ISCA1: variants seen among roughly 807,000 people sequenced by gnomAD.
The protein encoded by ISCA1 is iron-sulfur cluster assembly 1 homolog, mitochondrial.
A neutral mutation model predicts 14.7 loss-of-function variants in ISCA1; 9 were observed. The ratio of observed to expected loss-of-function variants is 0.61; its 90% confidence interval spans 0.37 to 1.07. The LOEUF (loss-of-function observed/expected upper bound fraction) is 1.07, where lower values mean the gene tolerates loss of function less well. Ranked by LOEUF, ISCA1 falls within the 50% of genes least tolerant of loss-of-function variation. The pLI, the probability that ISCA1 is intolerant of heterozygous loss-of-function variation, is 0.01. For synonymous variants in ISCA1, 38 were observed against 54.3 expected (o/e 0.70, Z 1.32); for missense variants, 102 against 150.1 (o/e 0.68, Z 1.67).
At position 86,266,037 on chromosome 9, in the gene ISCA1, G is replaced by A. The variant is rs751451014; in HGVS notation, c.*6C>T. ...TGGAACCTACGGCCAGAAGAGTCCT[G>A]AGATTTCAAATATTAAAGCTTTCTC... On this transcript the variant is annotated 3_prime_UTR_variant, in exon 4 of 4. Coordinates refer to ENST00000375991, the MANE Select transcript of ISCA1 (RefSeq NM_030940.4). The A allele has an allele frequency of 6.7e-5, 108 of 1,611,790 alleles. No individual in the cohort carries two copies. Among genetic ancestry groups the A allele is most frequent in the Non-Finnish European group, 9.0e-5 (106 of 1,179,816 alleles).
intron 3 of ISCA1, among the ~76,000 whole-genome samples, chr9:86,268,379 A>G (rs1385178585): frequency 6.6e-6 from 1 of 151,800 alleles, no homozygotes; most frequent in Admixed American, 6.6e-5. Flanking sequence ...TTATAGAATA[A>G]GAACGTAAAA....
At chr9:86,268,759 G>A (rs926407492) in intron 3 of ISCA1, among the ~76,000 whole-genome samples, 1 of 151,886 alleles carries the variant, frequency 6.6e-6, no homozygotes. Flanking sequence ...CTTAAGGGCA[G>A]TGGCTATTCA....
At chr9:86,282,230 G>A (rs1825529104) in intron 1 of ISCA1, 148 bp downstream of exon 1, 8 of 803,514 alleles carry the variant, frequency 1.0e-5, no homozygotes, top group South Asian at 2.0e-5. Context: ...GGCGAAGGAG[G>A]CGGCGAGGCT....
intron 1 of ISCA1, chr9:86,282,104 C>T: frequency 2.1e-6 from 1 of 471,276 alleles, no homozygotes; most frequent in South Asian, 3.1e-5. Context: ...CGCCCACCCC[C>T]GGGATCCCCT....
rs1379956018 is a variant in ISCA1 at position 86,282,372 on chromosome 9, A to T, written c.81+6T>A. 2.6e-6 allele frequency: 4 copies of T among 1,542,274 alleles called. No homozygotes were observed. In the South Asian group the frequency reaches 3.6e-5, roughly 14 times the overall value. On this transcript the variant is annotated splice_donor_region_variant and intron_variant, in intron 1 of 3. Coordinates refer to ENST00000375991, the MANE Select transcript of ISCA1 (RefSeq NM_030940.4). ...ACGGGCCCCGCCGCGCGCCGCGAGC[A>T]CTCACCAGGGTGAGGGCTGCCCGGG...
intron 3 of ISCA1, 29 bp downstream of exon 3, chr9:86,271,978 T>G (rs1018393968): frequency 7.7e-7 from 1 of 1,303,568 alleles, no homozygotes; most frequent in Non-Finnish European, 1.1e-6. Context: ...CAAAACAATG[T>G]GCCCAAAAAA....
chr9:86,273,428 T>C (rs964399981), intron 2 of ISCA1, among the ~76,000 whole-genome samples: 6 of 152,158 alleles, frequency 3.9e-5, no homozygotes, highest in African/African-American at 1.4e-4. Context: ...TGCTGAATGG[T>C]GTTTGCGGCA....
At chr9:86,270,984 C>T (rs1296134830) in intron 3 of ISCA1, among the ~76,000 whole-genome samples, 1 of 147,114 alleles carries the variant, frequency 6.8e-6, no homozygotes, top group African/African-American at 2.5e-5. Context: ...GGAGATATAC[C>T]TAATGCTAAA....
At chr9:86,279,126 T>C (rs1219977142) in intron 1 of ISCA1, among the ~76,000 whole-genome samples, 2 of 152,226 alleles carry the variant, frequency 1.3e-5, no homozygotes, top group Non-Finnish European at 2.9e-5. Context: ...TAACACACAG[T>C]TCCTTACTGA....
chr9:86,265,344 T>C lies in ISCA1; in HGVS notation c.*699A>G, dbSNP rs1292661883. ...GGTTTTGCTTCCTCACATAGGGAAT[T>C]GATGGAGGTGGGCTAGATGGCTTTA... On this transcript the variant is annotated 3_prime_UTR_variant, in exon 4 of 4. Transcript: ENST00000375991. 6.6e-6 allele frequency: 1 copy of C among 152,096 alleles called. No individual in the cohort carries two copies. The highest frequency in any genetic ancestry group is 2.4e-5 in the African/African-American group (1 of 41,396). 9.4% of individuals were successfully genotyped at this position (152,096 alleles called of 1,614,324 possible).
At position 86,265,876 on chromosome 9, in the gene ISCA1, C is replaced by T. The variant is rs113577892; in HGVS notation, c.*167G>A. 8.3e-6 allele frequency: 9 copies of T among 1,088,752 alleles called. No homozygotes were observed. Among genetic ancestry groups the T allele is most frequent in the African/African-American group, 4.6e-5 (3 of 64,756 alleles). The allele number at this position is 1,088,752 out of a possible 1,614,324, so 67.4% of individuals were successfully genotyped here. ...AGTGATGGCTTCTCATTTTCTGTCC[C>T]CTATAGAGAATATAAATATCATTTC... On this transcript the variant is annotated 3_prime_UTR_variant, in exon 4 of 4. Coordinates refer to ENST00000375991, the MANE Select transcript of ISCA1 (RefSeq NM_030940.4).
At position 86,272,118 on chromosome 9, in the gene ISCA1, AAAG is replaced by A. The variant is rs1482233356; in HGVS notation, c.136-9_136-7del. 2.6e-6 allele frequency: 4 copies of A among 1,517,320 alleles called. No individual in the cohort carries two copies. The highest frequency in any genetic ancestry group is 1.4e-5 in the African/African-American group (1 of 72,880). The allele number at this position is 1,517,320 out of a possible 1,614,324, so 94.0% of individuals were successfully genotyped here. A position where few individuals can be genotyped will look rare whatever the true frequency, so the allele number is the denominator to read the frequency against. Reference sequence around the variant, plus strand: ...ACACCAACTTTTACACCTACCTGAAAAAGAAGTGAAAATATAAACTTGGTTTTA... The same window carrying A: ...ACACCAACTTTTACACCTACCTGAAAAAGTGAAAATATAAACTTGGTTTTA... On this transcript the variant is annotated splice_region_variant and splice_polypyrimidine_tract_variant and intron_variant, in intron 2 of 3. Coordinates refer to ENST00000375991, the MANE Select transcript of ISCA1 (RefSeq NM_030940.4).
Position 86,265,860 on chromosome 9 carries a change from T to G in ISCA1, c.*183A>C. 3 of 956,208 alleles carry G rather than the reference T, an allele frequency of 3.1e-6. No homozygotes were observed. The highest frequency in any genetic ancestry group is 1.4e-5 in the South Asian group (1 of 69,816). The allele number at this position is 956,208 out of a possible 1,614,324, so 59.2% of individuals were successfully genotyped here. ...TAAATGATCCAAAAAGAGTGATGGC[T>G]TCTCATTTTCTGTCCCCTATAGAGA... is the stretch of plus-strand genomic sequence containing the variant. On this transcript the variant is annotated 3_prime_UTR_variant, in exon 4 of 4. Transcript: ENST00000375991.
At chr9:86,272,984 G>A (rs1404295573) in intron 2 of ISCA1, among the ~76,000 whole-genome samples, 1 of 152,188 alleles carries the variant, frequency 6.6e-6, no homozygotes, top group East Asian at 1.9e-4. Context: ...CAGATACGGA[G>A]AGGTGACTGT....
At chr9:86,270,285 C>T (rs1825352458) in intron 3 of ISCA1, among the ~76,000 whole-genome samples, 1 of 149,912 alleles carries the variant, frequency 6.7e-6, no homozygotes, top group Admixed American at 6.6e-5. Flanking sequence ...GGGCAAAGGA[C>T]ATGAACAGAC....
chr9:86,281,487 A>C (rs1288537982), intron 1 of ISCA1, among the ~76,000 whole-genome samples: 1 of 152,206 alleles, frequency 6.6e-6, no homozygotes, highest in African/African-American at 2.4e-5. Flanking sequence ...ACGTGATCAT[A>C]AATTTTTCTT....
At chr9:86,280,179 G>A (rs776437357) in intron 1 of ISCA1, among the ~76,000 whole-genome samples, 26 of 152,202 alleles carry the variant, frequency 1.7e-4, no homozygotes, top group Non-Finnish European at 3.2e-4. Flanking sequence ...GCCTGCGACT[G>A]TGCCCCGTAG....
intron 3 of ISCA1, chr9:86,267,460 T>C (rs895151524): frequency 1.9e-5 from 18 of 965,020 alleles, no homozygotes; most frequent in Middle Eastern, 5.3e-4. Context: ...CATTCTCCCA[T>C]GTAGGTAAGA....
At chr9:86,269,466 C>T (rs1825337268) in intron 3 of ISCA1, among the ~76,000 whole-genome samples, 7 of 152,132 alleles carry the variant, frequency 4.6e-5, no homozygotes, top group Admixed American at 4.6e-4. Context: ...GAAGAACATT[C>T]CATGCTCATG....
Sources: allele counts gnomAD v4.1 joint callset (sites outside exome capture counted in the v4.1 genomes callset), GRCh38; gene constraint gnomAD v4.1.1; transcripts MANE v1.5; gene names NCBI Gene and HGNC (gene_info 2026-07-23, HGNC 2026-07-21).